Variants in TUSC3 observed in about 807,000 individuals in gnomAD.
The protein encoded by TUSC3 is dolichyl-diphosphooligosaccharide--protein glycosyltransferase subunit TUSC3.
Under a neutral mutation model 44.8 loss-of-function variants are expected in TUSC3, and 45 were observed. That is an observed-to-expected ratio of 1.00 (90% CI 0.79 to 1.29). TUSC3 has a LOEUF of 1.29. TUSC3 is among the 50% of genes most tolerant of loss of function. The pLI is 0.00. For synonymous variants in TUSC3, 212 were observed against 152.9 expected (o/e 1.39, Z -2.85); for missense variants, 519 against 437.9 (o/e 1.19, Z -1.65).
intron 2 of TUSC3, among the ~76,000 whole-genome samples, chr8:15,525,973 C>G (rs1801368257): frequency 6.6e-6 from 1 of 151,868 alleles, no homozygotes; most frequent in African/African-American, 2.4e-5. Context: ...TGTAGGGAGA[C>G]AGTGAGGGTT....
chr8:15,795,622 G>C, the TUSC3 span, among the ~76,000 whole-genome samples: 1 of 152,188 alleles, frequency 6.6e-6, no homozygotes, highest in Non-Finnish European at 1.5e-5. Flanking sequence ...AGTAAAAAAT[G>C]CGTGGCTACA....
chr8:15,503,111 G>A (rs759831255), intron 2 of TUSC3, among the ~76,000 whole-genome samples: 21 of 152,278 alleles, frequency 1.4e-4, no homozygotes, highest in Admixed American at 9.2e-4. Flanking sequence ...ACCTCGGAAT[G>A]TGAGTGTATT....
At chr8:15,836,035 C>G in the TUSC3 span, among the ~76,000 whole-genome samples, 1 of 151,920 alleles carries the variant, frequency 6.6e-6, no homozygotes, top group Non-Finnish European at 1.5e-5. Context: ...CAGTTTTTTT[C>G]TGACTTGAAC....
chr8:15,568,278 G>T (rs978178171), intron 1 of TUSC3, among the ~76,000 whole-genome samples: 1 of 152,128 alleles, frequency 6.6e-6, no homozygotes, highest in African/African-American at 2.4e-5. Context: ...AAAGATTTAA[G>T]CACTAGCTCT....
chr8:15,523,372 T>C (rs1355456254), intron 2 of TUSC3, among the ~76,000 whole-genome samples: 1 of 152,048 alleles, frequency 6.6e-6, no homozygotes, highest in South Asian at 2.1e-4. Context: ...TTTCCCACTA[T>C]GTGATGTACA....
downstream of TUSC3, chr8:15,766,745 T>C (rs561583976): frequency 6.6e-6 from 1 of 152,234 alleles, no homozygotes; most frequent in South Asian, 2.1e-4. Context: ...CGACTAGATG[T>C]TGCTGTAACC....
the TUSC3 span, among the ~76,000 whole-genome samples, chr8:15,839,977 C>G: frequency 1.3e-5 from 2 of 152,080 alleles, no homozygotes; most frequent in African/African-American, 2.4e-5. Flanking sequence ...GGAACCAACC[C>G]AAATGTCCAT....
the TUSC3 span, among the ~76,000 whole-genome samples, chr8:15,847,194 C>G: frequency 1.3e-5 from 2 of 152,146 alleles, no homozygotes; most frequent in Non-Finnish European, 2.9e-5. Context: ...CTTTGAACCC[C>G]TGGGTTGTAG....
chr8:15,649,421 A>G (rs1329076522), intron 2 of TUSC3, among the ~76,000 whole-genome samples: 1 of 151,652 alleles, frequency 6.6e-6, no homozygotes, highest in Non-Finnish European at 1.5e-5. Context: ...CGTCTCTACT[A>G]AAAATAGAAA....
At chr8:15,789,273 C>T in the TUSC3 span, among the ~76,000 whole-genome samples, 9 of 152,090 alleles carry the variant, frequency 5.9e-5, no homozygotes, top group African/African-American at 1.4e-4. Context: ...TTCAGTGTAC[C>T]GTAATATGGA....
chr8:15,826,084 G>T, the TUSC3 span, among the ~76,000 whole-genome samples: 1 of 152,164 alleles, frequency 6.6e-6, no homozygotes, highest in East Asian at 1.9e-4. Flanking sequence ...GGTATGTTGT[G>T]TCTGAACTGA....
the TUSC3 span, among the ~76,000 whole-genome samples, chr8:15,822,399 G>C: frequency 6.6e-6 from 1 of 152,146 alleles, no homozygotes; most frequent in African/African-American, 2.4e-5. Flanking sequence ...TAGGGAGATG[G>C]CTTTCAAACT....
rs1804402060 is a variant in TUSC3 at position 15,603,787 on chromosome 8, A to G, written c.139-19293A>G. 8.7e-5 allele frequency among the ~76,000 whole-genome samples: 13 copies of G among 148,754 alleles called. No homozygotes were observed. In the Admixed American group the frequency reaches 8.8e-4, roughly 10 times the overall value. ...CCAAGTCACAGGGACTGCTAATTCT[A>G]TTTTTTTTTTGCCTCCACTTATAAC... is the stretch of plus-strand genomic sequence containing the variant. On this transcript the variant is annotated intron_variant, in intron 1 of 10. Coordinates refer to ENST00000503731, the MANE Select transcript of TUSC3 (RefSeq NM_006765.4).
At chr8:15,656,420 G>C (rs1182053371) in intron 3 of TUSC3, among the ~76,000 whole-genome samples, 4 of 152,152 alleles carry the variant, frequency 2.6e-5, no homozygotes, top group African/African-American at 9.7e-5. Flanking sequence ...CCTTCCAAAA[G>C]GGAGAAATAG....
chr8:15,680,220 G>A (rs900114423), intron 6 of TUSC3, among the ~76,000 whole-genome samples: 13 of 152,000 alleles, frequency 8.6e-5, no homozygotes, highest in Non-Finnish European at 1.9e-4. Context: ...CCATGAGCAT[G>A]GGTTGGTTTT....
intron 2 of TUSC3, among the ~76,000 whole-genome samples, chr8:15,640,540 T>C (rs2129171547): frequency 6.6e-6 from 1 of 152,320 alleles, no homozygotes; most frequent in Non-Finnish European, 1.5e-5. Context: ...ATATTTAATA[T>C]TCATTTTAGT....
At chr8:15,796,045 A>G in the TUSC3 span, among the ~76,000 whole-genome samples, 3 of 151,172 alleles carry the variant, frequency 2.0e-5, no homozygotes, top group Non-Finnish European at 4.5e-5. Flanking sequence ...ATGTGGCCTT[A>G]CCCTCAGGTA....
At chr8:15,488,979 A>C (rs1356334533) in intron 2 of TUSC3, among the ~76,000 whole-genome samples, 2 of 152,194 alleles carry the variant, frequency 1.3e-5, no homozygotes, top group African/African-American at 4.8e-5. Flanking sequence ...TCTCTTGGCT[A>C]TTCAGGATAG....
At chr8:15,635,192 T>C (rs1192960814) in intron 2 of TUSC3, among the ~76,000 whole-genome samples, 3 of 152,156 alleles carry the variant, frequency 2.0e-5, no homozygotes, top group Non-Finnish European at 2.9e-5. Flanking sequence ...TTTTTCAAAA[T>C]AGATCTGAAT....
Sources: gnomAD v4.1 joint callset for allele counts (sites outside exome capture counted in the v4.1 genomes callset) on GRCh38, gnomAD v4.1.1 for gene constraint, MANE v1.5 for transcripts, NCBI Gene and HGNC (gene_info 2026-07-23, HGNC 2026-07-21) for gene names.